CACNA2D3: variants seen among roughly 807,000 people sequenced by gnomAD.
The protein encoded by CACNA2D3 is calcium voltage-gated channel auxiliary subunit alpha2delta 3.
A neutral mutation model predicts 160.6 loss-of-function variants in CACNA2D3; 60 were observed. The ratio of observed to expected loss-of-function variants is 0.37; its 90% CI spans 0.30 to 0.46. CACNA2D3 has a LOEUF of 0.46. CACNA2D3 is among the 20% of genes least tolerant of loss of function. The pLI, the probability that CACNA2D3 is intolerant of heterozygous loss-of-function variation, is 1.00. For synonymous variants in CACNA2D3, 558 were observed against 492.9 expected, an observed-to-expected ratio of 1.13 and a Z score of -1.75; for missense variants, 1,205 against 1,365.0, an observed-to-expected ratio of 0.88 and a Z score of 1.85.
rs1354958828 is a variant in CACNA2D3 at position 54,880,823 on chromosome 3, T to C, written c.1872T>C (p.His624=). The C allele has an allele frequency of 4.3e-6, 7 of 1,613,788 alleles. No homozygotes were observed. The highest frequency in any genetic ancestry group is 4.5e-5 in the East Asian group (2 of 44,892). ...FSLGVALSRG[H]GKYFFRGNVT... ...TAGGTGTGGCGCTTTCCAGAGGTCA[T>C]GGGAAATATTTCTTCCGAGGGAATG... The change falls in exon 21 of 38, where the codon CAT becomes CAC. Residue 624 remains histidine (H), a synonymous_variant. Coordinates refer to ENST00000474759, the MANE Select transcript of CACNA2D3 (RefSeq NM_018398.3).
chr3:54,232,539 A>G (rs776302008), intron 2 of CACNA2D3, among the ~76,000 whole-genome samples: 1 of 152,172 alleles, frequency 6.6e-6, no homozygotes, highest in Non-Finnish European at 1.5e-5. Context: ...GGTGACTTGC[A>G]TGAGGGTTTT....
intron 11 of CACNA2D3, among the ~76,000 whole-genome samples, chr3:54,736,580 A>G (rs1701536403): frequency 6.6e-6 from 1 of 152,174 alleles, no homozygotes; most frequent in African/African-American, 2.4e-5. Context: ...TTAACACATC[A>G]TTTTCAATTT....
intron 2 of CACNA2D3, among the ~76,000 whole-genome samples, chr3:54,147,038 C>T (rs1402537385): frequency 2.0e-5 from 3 of 152,196 alleles, no homozygotes; most frequent in African/African-American, 7.2e-5. Flanking sequence ...CCTAGATTTC[C>T]AATTTGCCTT....
intron 17 of CACNA2D3, among the ~76,000 whole-genome samples, chr3:54,856,266 A>G (rs984716273): frequency 6.6e-6 from 1 of 152,232 alleles, no homozygotes; most frequent in South Asian, 2.1e-4. Flanking sequence ...AGGAGAATTT[A>G]TGAAAGTACC....
intron 4 of CACNA2D3, among the ~76,000 whole-genome samples, chr3:54,452,221 A>G (rs1303875065): frequency 6.6e-6 from 1 of 152,186 alleles, no homozygotes; most frequent in Non-Finnish European, 1.5e-5. Context: ...CAAAGGAGAA[A>G]CAAAGGAACA....
At chr3:54,369,159 T>C (rs756009289) in intron 3 of CACNA2D3, among the ~76,000 whole-genome samples, 13 of 152,012 alleles carry the variant, frequency 8.6e-5, no homozygotes, top group Non-Finnish European at 1.5e-4. Context: ...AAAAGAGTTG[T>C]TGAGTTTCGT....
chr3:55,068,992 A>G (rs561057855), intron 35 of CACNA2D3, among the ~76,000 whole-genome samples: 1 of 152,286 alleles, frequency 6.6e-6, no homozygotes, highest in East Asian at 1.9e-4. Flanking sequence ...ATTTCTTCAG[A>G]CTTTCTCCAT....
intron 14 of CACNA2D3, among the ~76,000 whole-genome samples, chr3:54,822,798 T>TCTTTCCTTC (rs1575496381): frequency 2.4e-5 from 2 of 81,886 alleles, no homozygotes; most frequent in African/African-American, 5.2e-5. Context: ...TTCCTTTCTT[T>TCTTTCCTTC]CTTTCTTTCT....
intron 12 of CACNA2D3, among the ~76,000 whole-genome samples, chr3:54,757,804 G>A (rs1197202608): frequency 2.0e-5 from 3 of 152,190 alleles, no homozygotes; most frequent in Non-Finnish European, 4.4e-5. Context: ...GGAAACTGAG[G>A]CTGAGCAAGA....
chr3:54,575,458 ATCT>A (rs1472893524), intron 8 of CACNA2D3, among the ~76,000 whole-genome samples: 4 of 151,870 alleles, frequency 2.6e-5, no homozygotes, highest in Non-Finnish European at 5.9e-5. Flanking sequence ...TCCATCAGTG[ATCT>A]TCTCTGCAAT....
At chr3:54,800,438 C>A (rs530084280) in intron 13 of CACNA2D3, among the ~76,000 whole-genome samples, 4 of 152,184 alleles carry the variant, frequency 2.6e-5, no homozygotes, top group African/African-American at 9.7e-5. Context: ...ACTTTTCAGC[C>A]GGATGATCAC....
At chr3:54,392,700 T>C (rs563533294) in intron 4 of CACNA2D3, among the ~76,000 whole-genome samples, 8 of 152,106 alleles carry the variant, frequency 5.3e-5, no homozygotes, top group African/African-American at 1.9e-4. Context: ...AGACTGTTGG[T>C]GGGAAACCTC....
chr3:54,701,414 A>G (rs970672638), intron 11 of CACNA2D3, among the ~76,000 whole-genome samples: 1 of 152,178 alleles, frequency 6.6e-6, no homozygotes, highest in African/African-American at 2.4e-5. Flanking sequence ...TCCTCTCTAT[A>G]TCTAATATAT....
At chr3:54,725,607 A>G (rs1442072141) in intron 11 of CACNA2D3, among the ~76,000 whole-genome samples, 1 of 152,212 alleles carries the variant, frequency 6.6e-6, no homozygotes. Context: ...GGTTGGTTCA[A>G]CATATGCAAA....
intron 5 of CACNA2D3, among the ~76,000 whole-genome samples, chr3:54,516,931 T>A (rs185559659): frequency 1.3e-5 from 2 of 152,172 alleles, no homozygotes; most frequent in African/African-American, 4.8e-5. Flanking sequence ...TCAGGACCAG[T>A]CGGGGTACCT....
At chr3:54,225,178 C>A (rs1701649630) in intron 2 of CACNA2D3, among the ~76,000 whole-genome samples, 1 of 151,978 alleles carries the variant, frequency 6.6e-6, no homozygotes, top group Admixed American at 6.6e-5. Context: ...TGTTCAATTC[C>A]CACCTAAGAG....
chr3:54,286,876 C>T (rs576144630), intron 2 of CACNA2D3, among the ~76,000 whole-genome samples: 3 of 152,094 alleles, frequency 2.0e-5, no homozygotes, highest in Non-Finnish European at 4.4e-5. Flanking sequence ...CAAGCAAATG[C>T]TGAGAGATTC....
At chr3:54,570,303 G>A (rs970231161) in intron 8 of CACNA2D3, among the ~76,000 whole-genome samples, 199 bp downstream of exon 8, 10 of 152,098 alleles carry the variant, frequency 6.6e-5, no homozygotes, top group Middle Eastern at 3.2e-3. Context: ...TTGAACACAC[G>A]TTGCCTGTCT....
At chr3:54,760,750 G>A (rs756657045) in intron 12 of CACNA2D3, among the ~76,000 whole-genome samples, 2 of 152,060 alleles carry the variant, frequency 1.3e-5, no homozygotes, top group South Asian at 2.1e-4. Flanking sequence ...GGGGTGGGGT[G>A]AGGAAAGGAG....
Sources: gnomAD v4.1 joint callset for allele counts (sites outside exome capture counted in the v4.1 genomes callset) on GRCh38, gnomAD v4.1.1 for gene constraint, MANE v1.5 for transcripts, NCBI Gene and HGNC (gene_info 2026-07-23, HGNC 2026-07-21) for gene names.